The following SULF1 variants were observed in gnomAD, a reference collection of about 807,000 sequenced individuals.
The protein encoded by SULF1 is sulfatase 1.
A neutral mutation model predicts 110.5 loss-of-function variants in SULF1; 46 were observed. The ratio of observed to expected loss-of-function variants is 0.42; its 90% CI spans 0.33 to 0.53. The LOEUF is 0.53. SULF1 is among the 20% of genes least tolerant of loss of function. SULF1 has a pLI of 0.12. For synonymous variants in SULF1, 371 were observed against 387.1 expected (o/e 0.96, Z 0.49); for missense variants, 941 against 1,094.2 (o/e 0.86, Z 1.98).
At chr8:69,570,519 T>C (rs1805150404) in intron 5 of SULF1, among the ~76,000 whole-genome samples, 1 of 152,230 alleles carries the variant, frequency 6.6e-6, no homozygotes, top group South Asian at 2.1e-4. Flanking sequence ...GGACATTTTC[T>C]CCGATCCTTT....
chr8:69,522,461 G>A (rs1477112373), intron 3 of SULF1, among the ~76,000 whole-genome samples: 1 of 152,074 alleles, frequency 6.6e-6, no homozygotes, highest in Non-Finnish European at 1.5e-5. Flanking sequence ...GTTCAGTTTC[G>A]GAAGTTGAGT....
chr8:69,603,734 T>C, intron 12 of SULF1, 78 bp downstream of exon 12: 2 of 987,872 alleles, frequency 2.0e-6, no homozygotes, highest in South Asian at 2.6e-5. Flanking sequence ...TTTTTTCTCC[T>C]TATTTTTGTT....
At position 69,638,849 on chromosome 8, in the gene SULF1, CTTGATG is replaced by C; in HGVS notation, c.2546_2551del (p.Asp849_Val850del). The C allele has an allele frequency of 2.5e-6, 4 of 1,604,560 alleles. No homozygotes were observed. Among genetic ancestry groups the C allele is most frequent in the African/African-American group, 1.3e-5 (1 of 74,510 alleles). On this transcript the variant is annotated inframe_deletion, in exon 21 of 23. Coordinates refer to ENST00000402687, the MANE Select transcript of SULF1 (RefSeq NM_001128205.2). Reference sequence around the variant, plus strand: ...GCAGTGCAACCCAAGACCTAAGAATCTTGATGTTGGTAAGGAAAAAAATACTATTTT... The same window carrying C: ...GCAGTGCAACCCAAGACCTAAGAATCTTGGTAAGGAAAAAAATACTATTTT...
chr8:69,550,617 C>T (rs1814633041), intron 3 of SULF1, among the ~76,000 whole-genome samples: 1 of 152,138 alleles, frequency 6.6e-6, no homozygotes, highest in South Asian at 2.1e-4. Flanking sequence ...GAAGACCAGA[C>T]ATGAACCCTT....
intron 5 of SULF1, among the ~76,000 whole-genome samples, chr8:69,575,359 G>A (rs547511233): frequency 6.6e-6 from 1 of 152,174 alleles, no homozygotes; most frequent in Non-Finnish European, 1.5e-5. Context: ...GCATAAATAG[G>A]TCAAAATATA....
intron 5 of SULF1, among the ~76,000 whole-genome samples, chr8:69,567,513 G>A (rs2150728185): frequency 6.6e-6 from 1 of 151,914 alleles, no homozygotes; most frequent in East Asian, 1.9e-4. Flanking sequence ...CTCAATCCTG[G>A]CAACTATCAT....
At chr8:69,546,171 T>G (rs1814248352) in intron 3 of SULF1, among the ~76,000 whole-genome samples, 1 of 152,148 alleles carries the variant, frequency 6.6e-6, no homozygotes, top group Non-Finnish European at 1.5e-5. Context: ...AATGATGAGG[T>G]AGGCAATTAG....
At chr8:69,544,182 G>A (rs1026031069) in intron 3 of SULF1, among the ~76,000 whole-genome samples, 1 of 152,056 alleles carries the variant, frequency 6.6e-6, no homozygotes, top group African/African-American at 2.4e-5. Context: ...ATAGTGTGTT[G>A]TAATGTATTA....
chr8:69,624,310 G>A, intron 15 of SULF1, 113 bp downstream of exon 15: 1 of 1,409,472 alleles, frequency 7.1e-7, no homozygotes, highest in Non-Finnish European at 9.5e-7. Flanking sequence ...GCAATACAGT[G>A]CCTGAGGGCT....
At chr8:69,599,207 AT>A (rs1271185994) in intron 8 of SULF1, among the ~76,000 whole-genome samples, 3 of 152,212 alleles carry the variant, frequency 2.0e-5, no homozygotes, top group Non-Finnish European at 1.5e-5. Context: ...TATAATATAA[AT>A]AATGGCATGG....
At chr8:69,485,219 A>G (rs1388514231) in intron 1 of SULF1, among the ~76,000 whole-genome samples, 1 of 152,208 alleles carries the variant, frequency 6.6e-6, no homozygotes, top group Non-Finnish European at 1.5e-5. Context: ...CCAAAATAGG[A>G]ATGACTAGGC....
intron 22 of SULF1, among the ~76,000 whole-genome samples, chr8:69,642,906 G>A (rs117766897): frequency 1.1e-3 from 167 of 152,270 alleles, no homozygotes; most frequent in Admixed American, 2.8e-3. Context: ...CAATCGGCCA[G>A]ATAATCAATT....
Position 69,604,790 on chromosome 8 carries a change from C to A in SULF1, c.1248-13C>A. ...CACTTCTCATGTACGAAGCTTTTCC[C>A]TTTTTGTCGAAGCAAATTTCTACGT... On this transcript the variant is annotated splice_polypyrimidine_tract_variant and intron_variant, in intron 12 of 22. Transcript: ENST00000402687. The A allele has an allele frequency of 2.5e-6, 4 of 1,613,786 alleles. No homozygotes were observed. The Middle Eastern group carries it at 5.0e-4, about 200-fold the overall frequency.
chr8:69,509,512 G>T (rs1051344546), intron 3 of SULF1, among the ~76,000 whole-genome samples: 1 of 152,160 alleles, frequency 6.6e-6, no homozygotes, highest in Non-Finnish European at 1.5e-5. Flanking sequence ...ATTCAGCTGA[G>T]GGTTGACTTC....
chr8:69,628,120 T>A (rs1309926446), intron 17 of SULF1, 51 bp from the exon 18 acceptor site: 4 of 1,448,324 alleles, frequency 2.8e-6, no homozygotes, highest in Middle Eastern at 1.8e-4. Flanking sequence ...ATGAACACTT[T>A]GATCCAATGC....
intron 3 of SULF1, among the ~76,000 whole-genome samples, chr8:69,511,100 G>A (rs1302418562): frequency 6.6e-6 from 1 of 152,046 alleles, no homozygotes; most frequent in Non-Finnish European, 1.5e-5. Flanking sequence ...ACACATAATA[G>A]TAATAACAAT....
In SULF1 at chr8:69,621,021, G is replaced by A. The variant is rs748894859; in HGVS notation, c.1378-14G>A. The A allele has an allele frequency of 3.6e-5, 57 of 1,583,618 alleles. No individual in the cohort carries two copies. Among genetic ancestry groups the A allele is most frequent in the East Asian group, 1.1e-4 (5 of 44,288 alleles). ...AGCAGAATCGGTAAACTGCTTTCAC[G>A]TTGGCTTTTGCAGAAGTGGCAATGC... On this transcript the variant is annotated splice_polypyrimidine_tract_variant and intron_variant, in intron 13 of 22. Transcript: ENST00000402687.
At chr8:69,655,046 T>C (rs546216096) in intron 22 of SULF1, among the ~76,000 whole-genome samples, 26 of 152,338 alleles carry the variant, frequency 1.7e-4, no homozygotes, top group African/African-American at 6.0e-4. Context: ...TGCATTTAAG[T>C]AGATGCAATG....
At chr8:69,471,501 G>C (rs1452441061) in intron 1 of SULF1, among the ~76,000 whole-genome samples, 5 of 152,156 alleles carry the variant, frequency 3.3e-5, no homozygotes, top group Admixed American at 6.5e-5. Context: ...TTAAGCTTGA[G>C]TATTATATGA....
Sources: allele counts gnomAD v4.1 joint callset (sites outside exome capture counted in the v4.1 genomes callset), GRCh38; gene constraint gnomAD v4.1.1; transcripts MANE v1.5; gene names NCBI Gene and HGNC (gene_info 2026-07-23, HGNC 2026-07-21).